Variants in HS6ST2 observed in about 807,000 individuals in gnomAD.
HS6ST2 encodes the protein heparan-sulfate 6-O-sulfotransferase 2.
HS6ST2 carries 17 observed loss-of-function variants against 33.0 expected under a neutral mutation model. That is an observed-to-expected ratio of 0.52 (90% confidence interval 0.35 to 0.77). HS6ST2 has a LOEUF of 0.77. Among genes scored for constraint, HS6ST2 ranks in the 30% least tolerant of loss-of-function variants. The pLI is 0.01. For missense variants in HS6ST2, 519 were observed against 551.7 expected, an observed-to-expected ratio of 0.94 and a Z score of 0.59; for synonymous variants, 248 against 237.1, an observed-to-expected ratio of 1.05 and a Z score of -0.42.
chrX:132,769,778 T>A (rs1446880102), intron 2 of HS6ST2, among the ~76,000 whole-genome samples: 1 of 111,728 alleles, frequency 9.0e-6, no homozygotes, highest in East Asian at 2.8e-4. Flanking sequence ...GTTGTGTAGA[T>A]CAGAACTTGC....
chrX:132,957,902 G>A (rs55751040), intron 1 of HS6ST2, among the ~76,000 whole-genome samples: 1 of 112,209 alleles, frequency 8.9e-6, no homozygotes, highest in Non-Finnish European at 1.9e-5. Flanking sequence ...GGAGCTCGGA[G>A]CCGGGGGCTC....
chrX:132,811,028 T>C (rs1302869525), intron 2 of HS6ST2, among the ~76,000 whole-genome samples: 1 of 111,754 alleles, frequency 8.9e-6, no homozygotes, highest in African/African-American at 3.3e-5. Context: ...ACCTACTACA[T>C]TAGTTTGATG....
At chrX:132,691,336 C>T (rs999939755) in intron 3 of HS6ST2, among the ~76,000 whole-genome samples, 1 of 111,514 alleles carries the variant, frequency 9.0e-6, no homozygotes, top group Non-Finnish European at 1.9e-5. Context: ...TGCTGAGCAA[C>T]TACTAGGTGC....
At chrX:132,870,678 A>T (rs995911178) in intron 2 of HS6ST2, among the ~76,000 whole-genome samples, 1 of 112,033 alleles carries the variant, frequency 8.9e-6, no homozygotes, top group African/African-American at 3.2e-5. Flanking sequence ...AGGATTTCCT[A>T]TTTAATAAAT....
intron 2 of HS6ST2, among the ~76,000 whole-genome samples, chrX:132,795,058 A>G (rs890839510): frequency 9.1e-6 from 1 of 110,441 alleles, no homozygotes; most frequent in Non-Finnish European, 1.9e-5. Flanking sequence ...AGGTAATTAA[A>G]CTGGGAGACA....
intron 3 of HS6ST2, among the ~76,000 whole-genome samples, chrX:132,691,898 T>C (rs1208659574): frequency 8.9e-6 from 1 of 111,921 alleles, no homozygotes; most frequent in African/African-American, 3.2e-5. Flanking sequence ...GATCCATATG[T>C]GAGGGACAAA....
chrX:132,915,763 C>CTG (rs971385890), intron 2 of HS6ST2, among the ~76,000 whole-genome samples: 17 of 107,602 alleles, frequency 1.6e-4, no homozygotes, highest in African/African-American at 5.4e-4. Context: ...GAGTCTCTCT[C>CTG]TGTTGCCCAG....
In HS6ST2 at chrX:132,880,925, C is replaced by T. The variant is rs1443770716; in HGVS notation, c.947+75883G>A. ...GTTTGCTGAGAATGATGGTTTCCAG[C>T]TTCATCCATGTCCCTACAAAGGACA... On this transcript the variant is annotated intron_variant, in intron 2 of 4. Transcript: ENST00000370833. 3.6e-5 allele frequency among the ~76,000 whole-genome samples: 4 copies of T among 109,645 alleles called. No individual in the cohort carries two copies. In the East Asian group the frequency reaches 8.7e-4, roughly 24 times the overall value.
intron 4 of HS6ST2, among the ~76,000 whole-genome samples, chrX:132,652,958 A>C (rs1279707370): frequency 3.6e-5 from 4 of 111,396 alleles, no homozygotes; most frequent in Admixed American, 9.6e-5. Context: ...TTTTAACTAG[A>C]CAATTAGAAA....
intron 2 of HS6ST2, among the ~76,000 whole-genome samples, chrX:132,945,535 G>A (rs975297892): frequency 9.0e-6 from 1 of 110,858 alleles, no homozygotes; most frequent in South Asian, 3.9e-4. Context: ...AAATCATGCT[G>A]CCATAAAGAC....
At chrX:132,859,244 G>T (rs5933223) in intron 2 of HS6ST2, among the ~76,000 whole-genome samples, 1 of 110,367 alleles carries the variant, frequency 9.1e-6, no homozygotes, top group East Asian at 2.9e-4. Context: ...GAAAACCAAA[G>T]CAGCCCCAAA....
chrX:132,689,431 T>A (rs973772145), intron 3 of HS6ST2, among the ~76,000 whole-genome samples: 2 of 111,590 alleles, frequency 1.8e-5, no homozygotes, highest in Middle Eastern at 4.6e-3. Flanking sequence ...TACAAAAGTG[T>A]CCTCAAACAG....
chrX:132,804,420 G>C (rs1378877274), intron 2 of HS6ST2, among the ~76,000 whole-genome samples: 3 of 112,092 alleles, frequency 2.7e-5, no homozygotes, highest in Non-Finnish European at 5.6e-5. Context: ...TCTTGAGGAA[G>C]AAGGCAGAAG....
At chrX:132,753,672 T>C (rs953862524) in intron 2 of HS6ST2, among the ~76,000 whole-genome samples, 1 of 111,728 alleles carries the variant, frequency 9.0e-6, no homozygotes, top group African/African-American at 3.3e-5. Flanking sequence ...TATGTCTTTA[T>C]TAGCAGCATG....
intron 2 of HS6ST2, among the ~76,000 whole-genome samples, chrX:132,898,934 G>A (rs2066403724): frequency 9.0e-6 from 1 of 110,649 alleles, no homozygotes; most frequent in Admixed American, 9.8e-5. Context: ...AAAGTAGGAG[G>A]GCCAGTCCCC....
At chrX:132,886,812 G>T (rs1169656372) in intron 2 of HS6ST2, among the ~76,000 whole-genome samples, 3 of 111,435 alleles carry the variant, frequency 2.7e-5, no homozygotes, top group Non-Finnish European at 5.7e-5. Context: ...CTGAAACAAT[G>T]GAGGCTGTAG....
At chrX:132,719,389 A>G (rs1202812490) in intron 2 of HS6ST2, among the ~76,000 whole-genome samples, 1 of 112,168 alleles carries the variant, frequency 8.9e-6, no homozygotes, top group Non-Finnish European at 1.9e-5. Flanking sequence ...AATCTATGCT[A>G]GAGAGATAGG....
intron 4 of HS6ST2, among the ~76,000 whole-genome samples, chrX:132,649,273 G>T (rs1366203960): frequency 9.0e-6 from 1 of 111,667 alleles, no homozygotes; most frequent in Non-Finnish European, 1.9e-5. Flanking sequence ...GTGGGCCACA[G>T]AAATATCGAA....
At chrX:132,846,893 C>T (rs1279966957) in intron 2 of HS6ST2, among the ~76,000 whole-genome samples, 1 of 110,064 alleles carries the variant, frequency 9.1e-6, no homozygotes, top group East Asian at 2.9e-4. Flanking sequence ...AAAAACTGAG[C>T]ACAGCACCTC....
Sources: gnomAD v4.1 joint callset for allele counts (sites outside exome capture counted in the v4.1 genomes callset) on GRCh38, gnomAD v4.1.1 for gene constraint, MANE v1.5 for transcripts, NCBI Gene and HGNC (gene_info 2026-07-23, HGNC 2026-07-21) for gene names.